DMGDH: variants seen among roughly 807,000 people sequenced by gnomAD.
DMGDH encodes the protein dimethylglycine dehydrogenase, mitochondrial.
In DMGDH, 76 loss-of-function variants were observed where a neutral mutation model predicts 95.2. That is an observed-to-expected ratio of 0.80 (90% CI 0.66 to 0.97). DMGDH has a LOEUF of 0.97. Among genes scored for constraint, DMGDH ranks in the 50% least tolerant of loss-of-function variants. DMGDH has a pLI of 0.00. For missense variants in DMGDH, 987 were observed against 1,055.0 expected (o/e 0.94, Z 0.89); for synonymous variants, 345 against 377.6 (o/e 0.91, Z 1.00).
At position 79,063,632 on chromosome 5, in the gene DMGDH, GC is replaced by G; in HGVS notation, c.256del (p.Ala86LeufsTer10). On this transcript the variant is annotated frameshift_variant, in exon 2 of 16. Transcript: ENST00000255189. LOFTEE classifies it high-confidence loss of function. ...VVLLEKSELT[A>X]GSTWHAAGLT... The stretch of plus-strand genomic sequence containing the variant: ...TCTTACTGCGTGCCAGGTAGATCCA[GC>G]CGTGAGCTCTGATTTCTCCAGCAGG... 1 of 1,614,192 alleles carries G rather than the reference GC, an allele frequency of 6.2e-7. No individual in the cohort carries two copies. Among genetic ancestry groups the G allele is most frequent in the Non-Finnish European group, 8.5e-7 (1 of 1,180,040 alleles).
chr5:79,001,781 A>G (rs542068130), intron 15 of DMGDH, among the ~76,000 whole-genome samples: 1 of 152,312 alleles, frequency 6.6e-6, no homozygotes, highest in East Asian at 1.9e-4. Context: ...TTCTGCTAGA[A>G]TTTACTTTCA....
chr5:79,002,188 T>C (rs1262822353), intron 15 of DMGDH, among the ~76,000 whole-genome samples: 3 of 152,236 alleles, frequency 2.0e-5, no homozygotes, highest in African/African-American at 7.2e-5. Flanking sequence ...AGTTTGATGT[T>C]CTATTGTGTT....
At chr5:79,000,593 A>C in intron 15 of DMGDH, 1 of 609,830 alleles carries the variant, frequency 1.6e-6, no homozygotes, top group Non-Finnish European at 3.2e-6. Flanking sequence ...TCTGGCTGAC[A>C]TGCAAAAATG....
At chr5:79,060,407 T>C (rs1755163875) in intron 2 of DMGDH, among the ~76,000 whole-genome samples, 1 of 152,232 alleles carries the variant, frequency 6.6e-6, no homozygotes, top group South Asian at 2.1e-4. Context: ...TGTTAAAACC[T>C]TAGGATTTAT....
Position 79,064,668 on chromosome 5 carries a change from C to T in DMGDH, c.102-881G>A, listed in dbSNP as rs151317390. ...GTTTAAATGCAAACACATTCTACAG[C>T]TATATAGAAATATTTTATTTCTTTA... is the stretch of plus-strand genomic sequence containing the variant. On this transcript the variant is annotated intron_variant, in intron 1 of 15. Transcript: ENST00000255189. 8.0e-3 allele frequency among the ~76,000 whole-genome samples: 1,219 copies of T among 152,116 alleles called. 8 individuals carry two copies. The highest frequency in any genetic ancestry group is 9.9e-3 in the African/African-American group (409 of 41,506).
chr5:79,055,057 G>A (rs541659530), intron 3 of DMGDH, among the ~76,000 whole-genome samples: 2 of 152,216 alleles, frequency 1.3e-5, no homozygotes, highest in East Asian at 1.9e-4. Flanking sequence ...GGTGGATGCC[G>A]AAGATGGGGC....
At chr5:78,999,865 CTT>C (rs745981292) in intron 15 of DMGDH, among the ~76,000 whole-genome samples, 4 of 134,592 alleles carry the variant, frequency 3.0e-5, no homozygotes, top group African/African-American at 5.4e-5. Context: ...TTAATCATTG[CTT>C]TTTTTTTTTT....
intron 14 of DMGDH, chr5:79,021,763 A>G (rs755105281): frequency 2.4e-6 from 3 of 1,237,884 alleles, no homozygotes; most frequent in Middle Eastern, 2.2e-4. Flanking sequence ...TACAAACAAT[A>G]TATGTTACCA....
At chr5:79,036,947 G>T (rs1357786742) in intron 7 of DMGDH, among the ~76,000 whole-genome samples, 2 of 152,034 alleles carry the variant, frequency 1.3e-5, no homozygotes, top group Non-Finnish European at 2.9e-5. Flanking sequence ...ATGAGGTCAT[G>T]AGGGTGGGGC....
chr5:79,044,194 T>C, intron 6 of DMGDH, 110 bp downstream of exon 6: 1 of 1,494,878 alleles, frequency 6.7e-7, no homozygotes, highest in Non-Finnish European at 9.3e-7. Context: ...GTCCCAGGTA[T>C]CTGAAAGTCT....
intron 1 of DMGDH, among the ~76,000 whole-genome samples, chr5:79,068,732 A>G (rs555110147): frequency 5.6e-4 from 85 of 152,374 alleles, no homozygotes; most frequent in African/African-American, 2.0e-3. Context: ...AAATATAAGA[A>G]GTCGAAAGAT....
chr5:79,039,451 G>A (rs1469483759), intron 7 of DMGDH, among the ~76,000 whole-genome samples: 12 of 152,032 alleles, frequency 7.9e-5, no homozygotes, highest in African/African-American at 2.2e-4. Flanking sequence ...GTAAACTATC[G>A]CAACGACAAA....
At chr5:79,009,363 T>TC (rs1333650868) in intron 14 of DMGDH, among the ~76,000 whole-genome samples, 2 of 80,348 alleles carry the variant, frequency 2.5e-5, no homozygotes, top group African/African-American at 1.0e-4. Context: ...TTCTTTTCTT[T>TC]TCTTTTTTTT....
Position 79,047,776 on chromosome 5 carries a change from A to G in DMGDH, c.746-3224T>C, listed in dbSNP as rs182806717. ...TTCTCTCTCCTAGAAACACCTACAC[A>G]ATAGTGTTTCTTCAAAGATTTTTCT... On this transcript the variant is annotated intron_variant, in intron 5 of 15. Transcript: ENST00000255189. 1.2e-3 allele frequency among the ~76,000 whole-genome samples: 184 copies of G among 152,268 alleles called. 1 individual carries two copies. The highest frequency in any genetic ancestry group is 4.1e-3 in the African/African-American group (172 of 41,542).
intron 14 of DMGDH, among the ~76,000 whole-genome samples, chr5:79,008,355 T>G (rs1036447547): frequency 2.8e-5 from 4 of 144,886 alleles, no homozygotes; most frequent in African/African-American, 1.0e-4. Context: ...ACTTACATTA[T>G]AATCTGATCT....
chr5:79,000,243 T>C (rs769646789), intron 15 of DMGDH: 4 of 635,842 alleles, frequency 6.3e-6, no homozygotes, highest in Admixed American at 1.8e-5. Context: ...ACCAGCGTGA[T>C]ACCACCACCA....
At chr5:79,055,738 A>G (rs1755012042) in intron 3 of DMGDH, 72 bp downstream of exon 3, 2 of 1,041,264 alleles carry the variant, frequency 1.9e-6, no homozygotes, top group Admixed American at 3.7e-5. Context: ...ATGATGCATC[A>G]AAATCCTTCA....
rs546762114 is a variant in DMGDH, at chr5:79,030,423, G to A, written c.1684-389C>T. On this transcript the variant is annotated intron_variant, in intron 10 of 15. Transcript: ENST00000255189. ...TCCCAGCACTTTGGGAGGCTGAGGC[G>A]GGTGGATCACCTGAGGTCAGGAGTT... The A allele has an allele frequency of 1.3e-3, 315 of 247,816 alleles. 1 individual carries two copies. Among genetic ancestry groups the A allele is most frequent in the African/African-American group, 6.8e-3 (298 of 43,548 alleles). The allele number at this position is 247,816 out of a possible 1,614,324, so 15.4% of individuals were successfully genotyped here. A position where few individuals can be genotyped will look rare whatever the true frequency, so the allele number is the denominator to read the frequency against.
At chr5:79,052,726 T>A (rs1754905346) in intron 4 of DMGDH, among the ~76,000 whole-genome samples, 1 of 152,182 alleles carries the variant, frequency 6.6e-6, no homozygotes, top group African/African-American at 2.4e-5. Flanking sequence ...GATTGACATA[T>A]AAACAAATGT....
Sources: allele counts gnomAD v4.1 joint callset (sites outside exome capture counted in the v4.1 genomes callset), GRCh38; gene constraint gnomAD v4.1.1; transcripts MANE v1.5; gene names NCBI Gene and HGNC (gene_info 2026-07-23, HGNC 2026-07-21).